EPB41L4A: variants seen among roughly 807,000 people sequenced by gnomAD.
EPB41L4A encodes the protein erythrocyte membrane protein band 4.1 like 4A.
EPB41L4A carries 100 observed loss-of-function variants against 108.6 expected under a neutral mutation model. The observed-to-expected ratio is 0.92, with a 90% CI of 0.78 to 1.09. EPB41L4A has a LOEUF of 1.09. Ranked by LOEUF, EPB41L4A falls within the 50% of genes least tolerant of loss-of-function variation. The pLI is 0.00. For synonymous variants in EPB41L4A, 319 were observed against 289.0 expected (o/e 1.10, Z -1.05); for missense variants, 1,030 against 842.7 (o/e 1.22, Z -2.75).
rs192227829 is a variant in EPB41L4A at position 112,393,672 on chromosome 5, C to T, written c.99+25269G>A. 3.9e-5 allele frequency among the ~76,000 whole-genome samples: 6 copies of T among 152,226 alleles called. No homozygotes were observed. The East Asian group carries it at 1.2e-3, about 29-fold the overall frequency. On this transcript the variant is annotated intron_variant, in intron 1 of 22. Transcript: ENST00000261486. ...ATTTTACCAGAGGTACAAGGAGGAG[C>T]TGGTACCATTCCTTCTGAAACTATT...
chr5:112,359,544 CTT>C (rs5870498), intron 1 of EPB41L4A, among the ~76,000 whole-genome samples: 8,181 of 146,340 alleles, frequency 0.056, 695 homozygotes, highest in African/African-American at 0.18. Flanking sequence ...TGAAAGTCTT[CTT>C]TTTTTTTTTT....
chr5:112,359,499 G>A (rs1758573033), intron 1 of EPB41L4A, among the ~76,000 whole-genome samples: 1 of 151,804 alleles, frequency 6.6e-6, no homozygotes, highest in Non-Finnish European at 1.5e-5. Flanking sequence ...CTCACTTCCT[G>A]CTTCAGATTC....
chr5:112,242,970 T>C (rs1471998850), intron 9 of EPB41L4A, among the ~76,000 whole-genome samples: 2 of 152,080 alleles, frequency 1.3e-5, no homozygotes, highest in Admixed American at 1.3e-4. Context: ...TCCCAGCACT[T>C]TGGGGAGCTG....
intron 1 of EPB41L4A, among the ~76,000 whole-genome samples, chr5:112,408,168 T>C (rs1459885818): frequency 6.6e-6 from 1 of 152,166 alleles, no homozygotes; most frequent in African/African-American, 2.4e-5. Flanking sequence ...AAAAAAACAG[T>C]CTTTTTAACA....
intron 1 of EPB41L4A, among the ~76,000 whole-genome samples, chr5:112,381,815 G>C (rs1760196358): frequency 6.6e-6 from 1 of 152,216 alleles, no homozygotes; most frequent in Non-Finnish European, 1.5e-5. Flanking sequence ...AAGTCCCACA[G>C]CCTTCCATAA....
intron 11 of EPB41L4A, chr5:112,239,457 A>T: frequency 2.6e-6 from 1 of 382,010 alleles, no homozygotes; most frequent in Non-Finnish European, 4.7e-6. Context: ...CCCACAACAT[A>T]GCTAATGCAG....
At position 112,258,955 on chromosome 5, in the gene EPB41L4A, G is replaced by A. The variant is rs6594579; in HGVS notation, c.795+274C>T. Among the ~76,000 whole-genome samples the A allele has an allele frequency of 0.97, 147,771 of 152,310 alleles. 71,863 individuals carry two copies. Among genetic ancestry groups the A allele is most frequent in the East Asian group, 1 (5,182 of 5,182 alleles). On this transcript the variant is annotated intron_variant, in intron 9 of 22. Transcript: ENST00000261486. ...CACAGAGAGTACTGGAAAGCAAATTGCACTAACAACAATGATCACCTCCTA... is the reference window on the plus strand; with the variant it reads ...CACAGAGAGTACTGGAAAGCAAATTACACTAACAACAATGATCACCTCCTA...
chr5:112,206,696 A>G (rs1030275629), intron 13 of EPB41L4A, among the ~76,000 whole-genome samples: 3 of 152,242 alleles, frequency 2.0e-5, no homozygotes, highest in African/African-American at 7.2e-5. Context: ...AGAGTATACA[A>G]AAGTTAAAGA....
At chr5:112,318,928 G>A (rs908800216) in intron 1 of EPB41L4A, among the ~76,000 whole-genome samples, 4 of 152,094 alleles carry the variant, frequency 2.6e-5, no homozygotes, top group African/African-American at 9.7e-5. Context: ...TCCCTATACT[G>A]TAACCCTTCC....
At chr5:112,324,951 A>C (rs775547791) in intron 1 of EPB41L4A, among the ~76,000 whole-genome samples, 1 of 152,162 alleles carries the variant, frequency 6.6e-6, no homozygotes, top group Non-Finnish European at 1.5e-5. Flanking sequence ...AAGTAATGAA[A>C]CAGTAGCTAT....
intron 2 of EPB41L4A, among the ~76,000 whole-genome samples, chr5:112,301,713 T>C (rs1754374416): frequency 6.6e-6 from 1 of 152,162 alleles, no homozygotes; most frequent in South Asian, 2.1e-4. Context: ...TCCTGCCCCC[T>C]GTCTGTCAAT....
At chr5:112,339,480 A>G (rs56372637) in intron 1 of EPB41L4A, among the ~76,000 whole-genome samples, 2 of 32,970 alleles carry the variant, frequency 6.1e-5, no homozygotes, top group African/African-American at 2.3e-4. Context: ...ATATCTATAT[A>G]TATATATATA....
intron 12 of EPB41L4A, among the ~76,000 whole-genome samples, chr5:112,224,541 T>C (rs1004977364): frequency 6.6e-6 from 1 of 152,206 alleles, no homozygotes; most frequent in Admixed American, 6.5e-5. Flanking sequence ...TTGTATTTTA[T>C]GGATAAAGGG....
chr5:112,300,288 C>T (rs1260140675), intron 2 of EPB41L4A, among the ~76,000 whole-genome samples: 1 of 152,048 alleles, frequency 6.6e-6, no homozygotes, highest in Non-Finnish European at 1.5e-5. Context: ...GATGTGTTTT[C>T]AGGATTTGTT....
chr5:112,411,538 C>T (rs1762412856), intron 1 of EPB41L4A, among the ~76,000 whole-genome samples: 1 of 151,950 alleles, frequency 6.6e-6, no homozygotes, highest in African/African-American at 2.4e-5. Flanking sequence ...ATCCTATGTA[C>T]CTAAAATTCT....
chr5:112,332,030 G>A (rs898648888), intron 1 of EPB41L4A, among the ~76,000 whole-genome samples: 1 of 152,184 alleles, frequency 6.6e-6, no homozygotes, highest in East Asian at 1.9e-4. Flanking sequence ...CAAATGAACT[G>A]GGAACAGGAA....
intron 1 of EPB41L4A, among the ~76,000 whole-genome samples, chr5:112,332,212 C>G (rs1322537452): frequency 6.6e-6 from 1 of 152,182 alleles, no homozygotes; most frequent in African/African-American, 2.4e-5. Context: ...AAAACACAGT[C>G]TTTTTGTTTT....
intron 12 of EPB41L4A, among the ~76,000 whole-genome samples, chr5:112,154,730 G>T: frequency 6.6e-6 from 1 of 152,280 alleles, no homozygotes; most frequent in South Asian, 2.1e-4. Flanking sequence ...CAAATGTGGA[G>T]TGATTCATCA....
rs73214251 is a variant in EPB41L4A at position 112,388,689 on chromosome 5, G to C, written c.99+30252C>G. ...CAGTGGACAGCTATCTCAAAGATCTGGTCCAGGCTTCCCATCCACCTGCTC... is the reference window on the plus strand; with the variant it reads ...CAGTGGACAGCTATCTCAAAGATCTCGTCCAGGCTTCCCATCCACCTGCTC... On this transcript the variant is annotated intron_variant, in intron 1 of 22. Transcript: ENST00000261486. Among the ~76,000 whole-genome samples, 507 of 152,282 alleles carry C rather than the reference G, an allele frequency of 3.3e-3. 3 individuals are homozygous for C. Among genetic ancestry groups the C allele is most frequent in the African/African-American group, 0.012 (490 of 41,574 alleles).
Sources: allele counts gnomAD v4.1 joint callset (sites outside exome capture counted in the v4.1 genomes callset), GRCh38; gene constraint gnomAD v4.1.1; transcripts MANE v1.5; gene names NCBI Gene and HGNC (gene_info 2026-07-23, HGNC 2026-07-21).